MAGI3: variants seen among roughly 807,000 people sequenced by gnomAD.
MAGI3 encodes the protein membrane associated guanylate kinase, WW and PDZ domain containing 3, also known as membrane-associated guanylate kinase, WW and PDZ domain-containing protein 3.
A neutral mutation model predicts 121.8 loss-of-function variants in MAGI3; 43 were observed. The observed-to-expected ratio is 0.35, with a 90% confidence interval of 0.28 to 0.46. The LOEUF (loss-of-function observed/expected upper bound fraction) is 0.46, where lower values mean the gene tolerates loss of function less well. MAGI3 is among the 20% of genes least tolerant of loss of function. The pLI is 1.00. For synonymous variants in MAGI3, 553 were observed against 639.3 expected, an observed-to-expected ratio of 0.86 and a Z score of 2.04; for missense variants, 1,547 against 1,797.3, an observed-to-expected ratio of 0.86 and a Z score of 2.52.
chr1:113,650,078 T>C (rs1231274897), intron 13 of MAGI3, among the ~76,000 whole-genome samples: 1 of 151,940 alleles, frequency 6.6e-6, no homozygotes, highest in African/African-American at 2.4e-5. Flanking sequence ...AAAAATATGG[T>C]TGGAAGTTAG....
At chr1:113,530,532 A>C (rs1465819595) in intron 1 of MAGI3, among the ~76,000 whole-genome samples, 3 of 151,992 alleles carry the variant, frequency 2.0e-5, no homozygotes, top group Non-Finnish European at 4.4e-5. Context: ...AATAATTTGT[A>C]CACCAAGCCC....
chr1:113,504,855 A>T (rs1657229569), intron 1 of MAGI3, among the ~76,000 whole-genome samples: 1 of 152,210 alleles, frequency 6.6e-6, no homozygotes, highest in South Asian at 2.1e-4. Context: ...ACAGATCATT[A>T]TATTACTATC....
intron 1 of MAGI3, among the ~76,000 whole-genome samples, chr1:113,521,900 T>G (rs1207658083): frequency 6.6e-6 from 1 of 152,234 alleles, no homozygotes; most frequent in East Asian, 1.9e-4. Flanking sequence ...CTCCTTTTGA[T>G]ATGACTTCCT....
At position 113,580,660 on chromosome 1, in the gene MAGI3, T is replaced by A. The variant is rs745990093; in HGVS notation, c.552T>A (p.Asp184Glu). Residue 184 changes from aspartate (D) to glutamate (E), a missense_variant and splice_region_variant, in exon 3 of 21, where the codon GAT (aspartate) becomes GAA (glutamate). Physicochemically the swap from Asp to Glu is conservative, Grantham distance 45. Transcript: ENST00000307546. ...SGALLESGTY[D>E]GNFYGTPKPP... ...CATTGTTAGAAAGTGGGACATATGA[T>A]GGTATGTCCCCAAATAACATCACTA... 6 of 1,601,834 alleles carry A rather than the reference T, an allele frequency of 3.7e-6. 1 individual carries two copies. In the South Asian group the frequency reaches 6.8e-5, roughly 18 times the overall value.
chr1:113,638,314 T>C (rs1333015711), intron 9 of MAGI3, among the ~76,000 whole-genome samples: 1 of 152,244 alleles, frequency 6.6e-6, no homozygotes, highest in Non-Finnish European at 1.5e-5. Context: ...CTCTGCTTTT[T>C]AGAGTTTCCA....
At chr1:113,556,469 A>G (rs1659997382) in intron 2 of MAGI3, among the ~76,000 whole-genome samples, 1 of 152,122 alleles carries the variant, frequency 6.6e-6, no homozygotes, top group South Asian at 2.1e-4. Flanking sequence ...CTCTGTCACT[A>G]CAAAAGAAAA....
intron 16 of MAGI3, among the ~76,000 whole-genome samples, chr1:113,667,367 A>T (rs1332807427): frequency 1.3e-5 from 2 of 152,190 alleles, no homozygotes; most frequent in Non-Finnish European, 2.9e-5. Flanking sequence ...TTGCTGCTTC[A>T]CCTTGCAGTT....
At chr1:113,479,541 C>T (rs1656013943) in intron 1 of MAGI3, among the ~76,000 whole-genome samples, 1 of 152,154 alleles carries the variant, frequency 6.6e-6, no homozygotes, top group Non-Finnish European at 1.5e-5. Context: ...TTGTCTTTGA[C>T]ATTTGAGAAT....
intron 1 of MAGI3, among the ~76,000 whole-genome samples, chr1:113,530,571 G>A (rs1418338710): frequency 2.0e-5 from 3 of 151,166 alleles, no homozygotes; most frequent in African/African-American, 7.3e-5. Context: ...TAACAATACT[G>A]CACATGTACC....
chr1:113,639,395 TTTTG>T (rs898970188), intron 9 of MAGI3, among the ~76,000 whole-genome samples: 3 of 152,300 alleles, frequency 2.0e-5, no homozygotes, highest in East Asian at 1.9e-4. Flanking sequence ...TGTTTAGTTT[TTTTG>T]TTTGTTTGTT....
intron 1 of MAGI3, among the ~76,000 whole-genome samples, chr1:113,466,022 C>T (rs1192887574): frequency 6.6e-6 from 1 of 152,044 alleles, no homozygotes; most frequent in Admixed American, 6.6e-5. Flanking sequence ...GCCAAGACTT[C>T]CAAGATTAAG....
intron 7 of MAGI3, among the ~76,000 whole-genome samples, chr1:113,616,108 G>A (rs1249931271): frequency 2.0e-5 from 3 of 152,142 alleles, no homozygotes; most frequent in Non-Finnish European, 2.9e-5. Context: ...AAAACCTTGA[G>A]CTGAATGATC....
At position 113,413,618 on chromosome 1, in the gene MAGI3, G is replaced by A. The variant is rs180760173; in HGVS notation, c.316+22269G>A. Among the ~76,000 whole-genome samples, 27 of 152,126 alleles carry A rather than the reference G, an allele frequency of 1.8e-4. No individual in the cohort carries two copies. In the East Asian group the frequency reaches 5.2e-3, roughly 29 times the overall value. ...CATCCCTGGTAAGTTGGATTCCTAG[G>A]TATTTTATTCCCTTTGTAGCAATTG... On this transcript the variant is annotated intron_variant, in intron 1 of 20. Coordinates refer to ENST00000307546, the MANE Select transcript of MAGI3 (RefSeq NM_001142782.2).
intron 9 of MAGI3, among the ~76,000 whole-genome samples, chr1:113,629,219 T>C (rs1651442567): frequency 6.6e-6 from 1 of 152,186 alleles, no homozygotes; most frequent in Admixed American, 6.5e-5. Context: ...CTCTGATGCA[T>C]TGTTTAGCAT....
At chr1:113,668,723 C>T (rs970736575) in intron 16 of MAGI3, among the ~76,000 whole-genome samples, 8 of 151,540 alleles carry the variant, frequency 5.3e-5, no homozygotes, top group Non-Finnish European at 1.0e-4. Flanking sequence ...GCTGGGACTA[C>T]AGGCGCCCGC....
At chr1:113,495,977 T>C (rs1656900608) in intron 1 of MAGI3, among the ~76,000 whole-genome samples, 3 of 152,246 alleles carry the variant, frequency 2.0e-5, no homozygotes, top group Admixed American at 2.0e-4. Flanking sequence ...TTGTGATATA[T>C]GTAAGAATTC....
At chr1:113,664,793 A>C (rs754724199) in intron 16 of MAGI3, among the ~76,000 whole-genome samples, 1 of 152,190 alleles carries the variant, frequency 6.6e-6, no homozygotes, top group Non-Finnish European at 1.5e-5. Context: ...CTGATTGCCC[A>C]TGAATTTCAG....
At chr1:113,434,141 C>T (rs1255902634) in intron 1 of MAGI3, among the ~76,000 whole-genome samples, 1 of 152,182 alleles carries the variant, frequency 6.6e-6, no homozygotes, top group African/African-American at 2.4e-5. Flanking sequence ...AGATTATCTT[C>T]TGACCACAAA....
chr1:113,426,137 T>C (rs769679986), intron 1 of MAGI3, among the ~76,000 whole-genome samples: 26 of 152,338 alleles, frequency 1.7e-4, no homozygotes, highest in Admixed American at 6.5e-5. Context: ...AAATGTTCCT[T>C]TGAGACTTCC....
Sources: gnomAD v4.1 joint callset for allele counts (sites outside exome capture counted in the v4.1 genomes callset) on GRCh38, gnomAD v4.1.1 for gene constraint, MANE v1.5 for transcripts, NCBI Gene and HGNC (gene_info 2026-07-23, HGNC 2026-07-21) for gene names.